The following CDH2 variants were observed in gnomAD, a reference collection of about 807,000 sequenced individuals.
CDH2 encodes the protein cadherin 2, also known as cadherin-2.
Under a neutral mutation model 92.0 loss-of-function variants are expected in CDH2, and 17 were observed. That is an observed-to-expected ratio of 0.18 (90% CI 0.13 to 0.28). The LOEUF (loss-of-function observed/expected upper bound fraction) is 0.28, where lower values mean the gene tolerates loss of function less well. Ranked by LOEUF, CDH2 falls within the 10% of genes least tolerant of loss-of-function variation. The pLI, the probability that CDH2 is intolerant of heterozygous loss-of-function variation, is 1.00. For synonymous variants in CDH2, 419 were observed against 415.9 expected (o/e 1.01, Z -0.09); for missense variants, 862 against 1,133.1 (o/e 0.76, Z 3.44).
At chr18:27,957,515 G>A (rs919113306) in intron 15 of CDH2, among the ~76,000 whole-genome samples, 1 of 151,996 alleles carries the variant, frequency 6.6e-6, no homozygotes, top group Non-Finnish European at 1.5e-5. Context: ...GCCTCCCAAA[G>A]TGCTGGGATT....
chr18:27,990,016 T>C (rs1391123274), intron 10 of CDH2, 81 bp downstream of exon 10: 4 of 1,223,030 alleles, frequency 3.3e-6, no homozygotes, highest in African/African-American at 1.5e-5. Flanking sequence ...AAATTTCTAC[T>C]CAAATAGTGA....
chr18:28,114,439 T>A (rs1374364518), intron 2 of CDH2, among the ~76,000 whole-genome samples: 1 of 152,102 alleles, frequency 6.6e-6, no homozygotes, highest in Non-Finnish European at 1.5e-5. Context: ...CTATTGGTCC[T>A]CATATAAACA....
chr18:28,109,907 C>T (rs1026027685), intron 2 of CDH2, among the ~76,000 whole-genome samples: 5 of 152,124 alleles, frequency 3.3e-5, no homozygotes, highest in Non-Finnish European at 2.9e-5. Flanking sequence ...TTCAAAAATG[C>T]GGGTTAACAA....
Position 28,011,777 on chromosome 18 carries a change from AT to A in CDH2, c.546+68del, listed in dbSNP as rs2013106801. On this transcript the variant is annotated intron_variant, in intron 4 of 15. Coordinates refer to ENST00000269141, the MANE Select transcript of CDH2 (RefSeq NM_001792.5). ...TCATAAATTCTACTTTGTAAAAAAA[AT>A]AGACAGAAATATTTTTAACATACAT... The A allele has an allele frequency of 1.6e-5, 24 of 1,458,410 alleles. No individual in the cohort carries two copies. In the Admixed American group the frequency reaches 2.4e-4, roughly 14 times the overall value. 90.3% of individuals were successfully genotyped at this position (1,458,410 alleles called of 1,614,324 possible). A position where few individuals can be genotyped will look rare whatever the true frequency, so the allele number is the denominator to read the frequency against.
At chr18:28,052,462 A>G (rs2014211062) in intron 2 of CDH2, among the ~76,000 whole-genome samples, 1 of 152,138 alleles carries the variant, frequency 6.6e-6, no homozygotes, top group South Asian at 2.1e-4. Flanking sequence ...ATGAAAAGCT[A>G]CTATATTTTA....
intron 2 of CDH2, among the ~76,000 whole-genome samples, chr18:28,039,659 GC>G (rs1339590081): frequency 6.6e-6 from 1 of 152,032 alleles, no homozygotes; most frequent in African/African-American, 2.4e-5. Flanking sequence ...CTCTATCAGT[GC>G]CAAGTCAGGA....
At chr18:27,960,297 C>T (rs1440075103) in intron 15 of CDH2, among the ~76,000 whole-genome samples, 1 of 152,150 alleles carries the variant, frequency 6.6e-6, no homozygotes, top group East Asian at 1.9e-4. Flanking sequence ...CTCTGTATGC[C>T]TGACCCTTCC....
chr18:28,038,954 A>G lies in CDH2; in HGVS notation c.173-25045T>C, dbSNP rs148323832. 2.6e-5 allele frequency among the ~76,000 whole-genome samples: 4 copies of G among 152,288 alleles called. No homozygotes were observed. In the East Asian group the frequency reaches 7.7e-4, roughly 29 times the overall value. ...ACCTACTGAATGCAAAATACTTTAC[A>G]GCTTCTGGAACTCCTGTGAAGATTT... On this transcript the variant is annotated intron_variant, in intron 2 of 15. Coordinates refer to ENST00000269141, the MANE Select transcript of CDH2 (RefSeq NM_001792.5).
chr18:28,114,575 T>C (rs2015465058), intron 2 of CDH2, among the ~76,000 whole-genome samples: 1 of 152,202 alleles, frequency 6.6e-6, no homozygotes, highest in East Asian at 1.9e-4. Flanking sequence ...AAATGGGCTT[T>C]AGTTTCATTT....
intron 7 of CDH2, among the ~76,000 whole-genome samples, chr18:27,993,971 T>C (rs998526494): frequency 2.0e-5 from 3 of 152,222 alleles, no homozygotes; most frequent in African/African-American, 7.2e-5. Flanking sequence ...TTCAAGTCAT[T>C]TGGTTCGTAT....
intron 2 of CDH2, among the ~76,000 whole-genome samples, chr18:28,067,599 T>A (rs1227535374): frequency 6.6e-6 from 1 of 152,224 alleles, no homozygotes; most frequent in East Asian, 1.9e-4. Flanking sequence ...TTCCATTAGA[T>A]GGATATACTG....
intron 6 of CDH2, among the ~76,000 whole-genome samples, chr18:27,940,970 T>C (rs1399068978): frequency 6.6e-6 from 1 of 152,098 alleles, no homozygotes; most frequent in Non-Finnish European, 1.5e-5. Context: ...TAGCTAAGTA[T>C]TGGCTTTTAG....
chr18:27,985,297 C>T lies in CDH2; in HGVS notation c.1976-64G>A, dbSNP rs567777526. On this transcript the variant is annotated intron_variant, in intron 12 of 15. Transcript: ENST00000269141. ...CTTAAAGCGATAAAAAAACACATAG[C>T]ATTGTTCAGGATGTATTTACTACCT... is the stretch of plus-strand genomic sequence containing the variant. The T allele has an allele frequency of 5.4e-4, 517 of 959,102 alleles. 4 individuals carry two copies. In the Middle Eastern group the frequency reaches 0.014, roughly 27 times the overall value. 59.4% of individuals were successfully genotyped at this position (959,102 alleles called of 1,614,324 possible).
chr18:28,088,461 T>C (rs2014977582), intron 2 of CDH2, among the ~76,000 whole-genome samples: 1 of 152,222 alleles, frequency 6.6e-6, no homozygotes, highest in South Asian at 2.1e-4. Flanking sequence ...TTTGGATGTC[T>C]CCAAGTTAGC....
intron 2 of CDH2, among the ~76,000 whole-genome samples, chr18:28,096,506 A>G (rs1291838772): frequency 6.6e-6 from 1 of 152,118 alleles, no homozygotes; most frequent in Non-Finnish European, 1.5e-5. Context: ...ATGAAAATAC[A>G]TAACAACAAA....
chr18:28,107,186 T>C (rs1386225061), intron 2 of CDH2, among the ~76,000 whole-genome samples: 1 of 151,912 alleles, frequency 6.6e-6, no homozygotes, highest in Non-Finnish European at 1.5e-5. Flanking sequence ...TAAATTTCTT[T>C]TCCTTTATGA....
chr18:27,958,780 G>T (rs1450698417), intron 15 of CDH2, among the ~76,000 whole-genome samples: 1 of 152,150 alleles, frequency 6.6e-6, no homozygotes, highest in Non-Finnish European at 1.5e-5. Context: ...GAATCATGGG[G>T]ACGGTTACCC....
chr18:27,943,675 G>T (rs1258823584), intron 6 of CDH2, among the ~76,000 whole-genome samples: 2 of 152,152 alleles, frequency 1.3e-5, no homozygotes, highest in African/African-American at 4.8e-5. Flanking sequence ...CACCTGGAAA[G>T]AACTCAGTAT....
chr18:27,988,696 T>G, intron 10 of CDH2, 30 bp from the exon 11 acceptor site: 2 of 1,527,378 alleles, frequency 1.3e-6, no homozygotes, highest in Non-Finnish European at 9.0e-7. Flanking sequence ...TTTAATTTCT[T>G]TTTATGAAAC....
Sources: gnomAD v4.1 joint callset for allele counts (sites outside exome capture counted in the v4.1 genomes callset) on GRCh38, gnomAD v4.1.1 for gene constraint, MANE v1.5 for transcripts, NCBI Gene and HGNC (gene_info 2026-07-23, HGNC 2026-07-21) for gene names.